The following KATNAL1 variants were observed in gnomAD, a reference collection of about 807,000 sequenced individuals.
KATNAL1 encodes katanin p60 ATPase-containing subunit A-like 1.
KATNAL1 carries 32 observed loss-of-function variants against 55.2 expected under a neutral mutation model. That is an observed-to-expected ratio of 0.58 (90% CI 0.44 to 0.78). The LOEUF (loss-of-function observed/expected upper bound fraction) is 0.78, where lower values mean the gene tolerates loss of function less well. Ranked by LOEUF, KATNAL1 falls within the 30% of genes least tolerant of loss-of-function variation. The pLI, the probability that KATNAL1 is intolerant of heterozygous loss-of-function variation, is 0.00. For synonymous variants in KATNAL1, 193 were observed against 193.6 expected (o/e 1.00, Z 0.02); for missense variants, 466 against 600.9 (o/e 0.78, Z 2.35).
At chr13:30,291,020 C>T (rs943829860) in intron 1 of KATNAL1, among the ~76,000 whole-genome samples, 3 of 152,166 alleles carry the variant, frequency 2.0e-5, no homozygotes, top group Admixed American at 6.5e-5. Flanking sequence ...ACTAAATGCT[C>T]TCCAAGATCA....
chr13:30,213,477 G>T (rs1873895274), intron 9 of KATNAL1, among the ~76,000 whole-genome samples: 1 of 151,954 alleles, frequency 6.6e-6, no homozygotes. Context: ...CCAAAAAAGA[G>T]AATTTTAGAC....
In KATNAL1 at chr13:30,230,528, T is replaced by C. The variant is rs1199494133; in HGVS notation, c.952A>G (p.Thr318Ala). 1 of 1,612,756 alleles carries C rather than the reference T, an allele frequency of 6.2e-7. No individual in the cohort carries two copies. The highest frequency in any genetic ancestry group is 1.7e-5 in the Admixed American group (1 of 59,924). The stretch of plus-strand genomic sequence containing the variant: ...CGACTTGCCTCATGTTCATCAGAGG[T>C]TCCTCTTCGACTGCAGATAGAATCT... ...EIDSICSRRG[T>A]SDEHEASRRV... The change falls in exon 8 of 11, where the codon ACC becomes GCC. Residue 318 changes from threonine to alanine, a missense_variant. Thr to Ala is a moderately conservative substitution (Grantham distance 58, BLOSUM62 0). Around this residue, in one of 3 missense-constraint regions of KATNAL1, gnomAD observed 213 missense variants for 308.6 expected, o/e 0.69. Coordinates refer to ENST00000380615, the MANE Select transcript of KATNAL1 (RefSeq NM_032116.5).
At chr13:30,230,352 T>C in intron 8 of KATNAL1, 116 bp downstream of exon 8, 1 of 850,874 alleles carries the variant, frequency 1.2e-6, no homozygotes, top group Non-Finnish European at 1.7e-6. Flanking sequence ...AACAAATAAA[T>C]GGGTGAATGA....
intron 3 of KATNAL1, among the ~76,000 whole-genome samples, chr13:30,263,648 C>A (rs1171701309): frequency 6.6e-6 from 1 of 151,186 alleles, no homozygotes; most frequent in Non-Finnish European, 1.5e-5. Context: ...GAATAAAATA[C>A]CTAGGAATCC....
intron 3 of KATNAL1, among the ~76,000 whole-genome samples, chr13:30,279,282 T>C (rs1593937544): frequency 6.6e-6 from 1 of 152,234 alleles, no homozygotes; most frequent in East Asian, 1.9e-4. Flanking sequence ...AAGTTTATTA[T>C]TTAATTTTTA....
chr13:30,229,730 A>G (rs187396990), intron 8 of KATNAL1, among the ~76,000 whole-genome samples: 449 of 150,418 alleles, frequency 3.0e-3, no homozygotes, highest in Non-Finnish European at 3.0e-3. Context: ...AAACAAAAAA[A>G]ATTATTGAGA....
At chr13:30,244,650 G>T (rs183192210) in intron 4 of KATNAL1, among the ~76,000 whole-genome samples, 4 of 152,086 alleles carry the variant, frequency 2.6e-5, no homozygotes, top group Non-Finnish European at 5.9e-5. Flanking sequence ...CAGATAGACT[G>T]CTAGCCAGAC....
chr13:30,210,236 C>CTAA lies in KATNAL1; in HGVS notation c.1274+77_1274+79dup, dbSNP rs1302598107. ...TGCTTTCATGTCTAACTACACTGGG[C>CTAA]TAACTACATTGACTTTAAGACCAGT... On this transcript the variant is annotated intron_variant, in intron 10 of 10. Transcript: ENST00000380615. 4 of 1,242,326 alleles carry CTAA rather than the reference C, an allele frequency of 3.2e-6. No homozygotes were observed. In the Middle Eastern group the frequency reaches 6.0e-4, roughly 188 times the overall value. 77.0% of individuals were successfully genotyped at this position (1,242,326 alleles called of 1,614,324 possible).
intron 1 of KATNAL1, among the ~76,000 whole-genome samples, chr13:30,306,373 A>T (rs1405062384): frequency 1.3e-5 from 2 of 152,162 alleles, no homozygotes; most frequent in African/African-American, 2.4e-5. Flanking sequence ...GCCTACTGCT[A>T]AAAAAGTCTG....
At chr13:30,285,954 T>C (rs1881753969) in intron 1 of KATNAL1, among the ~76,000 whole-genome samples, 1 of 152,216 alleles carries the variant, frequency 6.6e-6, no homozygotes, top group African/African-American at 2.4e-5. Context: ...GTTTATGGTA[T>C]CTGGCAGAAT....
rs1054942882 is a variant in KATNAL1, at chr13:30,204,204, A to C, written c.*4336T>G. 6.6e-6 allele frequency: 1 copy of C among 152,232 alleles called. No individual in the cohort carries two copies. Among genetic ancestry groups the C allele is most frequent in the Non-Finnish European group, 1.5e-5 (1 of 68,030 alleles). 9.4% of individuals were successfully genotyped at this position (152,232 alleles called of 1,614,324 possible). Reference sequence around the variant, plus strand: ...AATAGTTAGGATTTTTTCCTCATACAAGTTAAGGTGGCCTTTTCTTGGAAA... The same window carrying C: ...AATAGTTAGGATTTTTTCCTCATACCAGTTAAGGTGGCCTTTTCTTGGAAA... On this transcript the variant is annotated 3_prime_UTR_variant, in exon 11 of 11. Coordinates refer to ENST00000380615, the MANE Select transcript of KATNAL1 (RefSeq NM_032116.5).
At chr13:30,257,594 C>T (rs1411734728) in intron 3 of KATNAL1, among the ~76,000 whole-genome samples, 8 of 152,166 alleles carry the variant, frequency 5.3e-5, no homozygotes, top group South Asian at 2.1e-4. Flanking sequence ...CCTCAGCTTG[C>T]GATTCAATGG....
intron 5 of KATNAL1, 53 bp from the exon 6 acceptor site, chr13:30,240,618 T>G: frequency 8.3e-7 from 1 of 1,204,886 alleles, no homozygotes; most frequent in Middle Eastern, 1.9e-4. Context: ...CTTTGATTTA[T>G]GGTCAAAACT....
At chr13:30,271,141 T>G (rs550986884) in intron 3 of KATNAL1, among the ~76,000 whole-genome samples, 1 of 152,334 alleles carries the variant, frequency 6.6e-6, no homozygotes, top group East Asian at 1.9e-4. Flanking sequence ...TCTTCCTATG[T>G]GTCCAGATGT....
At chr13:30,306,835 G>T (rs911194843) in intron 1 of KATNAL1, 4 of 152,264 alleles carry the variant, frequency 2.6e-5, no homozygotes, top group Non-Finnish European at 2.9e-5. Context: ...CAGCTTGGGC[G>T]GCTGCTCATC....
Position 30,274,891 on chromosome 13 carries a change from A to ACATACG in KATNAL1, c.323+5171_323+5172insCGTATG, listed in dbSNP as rs55740915. The stretch of plus-strand genomic sequence containing the variant: ...GGGGGCGGGGTGTGTGCACACACAT[A>ACATACG]CGCGCGCGCGCGCGCGCACACACAC... On this transcript the variant is annotated intron_variant, in intron 3 of 10. Transcript: ENST00000380615. Among the ~76,000 whole-genome samples the ACATACG allele has an allele frequency of 6.3e-3, 771 of 121,840 alleles. 2 individuals are homozygous for ACATACG. Among genetic ancestry groups the ACATACG allele is most frequent in the African/African-American group, 0.018 (536 of 30,468 alleles). 79.9% of individuals were successfully genotyped at this position (121,840 alleles called of 152,430 possible).
At chr13:30,294,094 C>T (rs1882315898) in intron 1 of KATNAL1, among the ~76,000 whole-genome samples, 1 of 152,134 alleles carries the variant, frequency 6.6e-6, no homozygotes, top group Non-Finnish European at 1.5e-5. Flanking sequence ...TTCCCGGAGA[C>T]ACAATACTGA....
At chr13:30,282,647 A>G (rs1160257123) in intron 2 of KATNAL1, among the ~76,000 whole-genome samples, 1 of 150,976 alleles carries the variant, frequency 6.6e-6, no homozygotes, top group African/African-American at 2.4e-5. Context: ...CTTTAAAAAA[A>G]AAAAAAAGAA....
intron 3 of KATNAL1, among the ~76,000 whole-genome samples, chr13:30,260,207 C>CA (rs1161213421): frequency 2.0e-5 from 3 of 152,090 alleles, no homozygotes; most frequent in African/African-American, 7.2e-5. Context: ...ACATCCACAC[C>CA]AAAAACCCAT....
Sources: gnomAD v4.1 joint callset for allele counts (sites outside exome capture counted in the v4.1 genomes callset) on GRCh38, gnomAD v4.1.1 for gene constraint, gnomAD v4.1.1 regional missense constraint, MANE v1.5 for transcripts, NCBI Gene and HGNC (gene_info 2026-07-23, HGNC 2026-07-21) for gene names.